Variants in ATCAY observed in about 807,000 individuals in gnomAD.
ATCAY encodes ATCAY kinesin light chain interacting caytaxin, also known as caytaxin.
A neutral mutation model predicts 47.7 loss-of-function variants in ATCAY; 22 were observed. The ratio of observed to expected loss-of-function variants is 0.46; its 90% CI spans 0.33 to 0.66. The LOEUF is 0.66. Ranked by LOEUF, ATCAY falls within the 30% of genes least tolerant of loss-of-function variation. The probability of loss-of-function intolerance (pLI) is 0.02; values close to 1 mark genes in which losing one functional copy is unlikely to be tolerated. For synonymous variants in ATCAY, 216 were observed against 207.6 expected (o/e 1.04, Z -0.35); for missense variants, 452 against 515.0 (o/e 0.88, Z 1.18).
At chr19:3,893,969 G>A (rs980882386) in intron 2 of ATCAY, among the ~76,000 whole-genome samples, 7 of 151,866 alleles carry the variant, frequency 4.6e-5, no homozygotes, top group South Asian at 2.1e-4. Context: ...TTCCAGTCCC[G>A]GAGCCTGGGC....
At chr19:3,911,812 G>A (rs547911921) in intron 8 of ATCAY, among the ~76,000 whole-genome samples, 11 of 152,198 alleles carry the variant, frequency 7.2e-5, no homozygotes, top group Admixed American at 2.6e-4. Flanking sequence ...CGAAAGAGAC[G>A]AGGGCTTCAC....
At chr19:3,888,977 CAG>C (rs1342433492) in intron 2 of ATCAY, among the ~76,000 whole-genome samples, 1 of 152,100 alleles carries the variant, frequency 6.6e-6, no homozygotes, top group African/African-American at 2.4e-5. Flanking sequence ...AGCCGAGAAT[CAG>C]AGAATCACGG....
At chr19:3,918,697 A>G in intron 10 of ATCAY, 109 bp from the exon 11 acceptor site, 1 of 1,148,892 alleles carries the variant, frequency 8.7e-7, no homozygotes, top group Non-Finnish European at 1.3e-6. Context: ...TGGTTTGGAA[A>G]ACAGGTCCCA....
intron 10 of ATCAY, among the ~76,000 whole-genome samples, chr19:3,918,357 CG>C (rs1168907062): frequency 1.3e-5 from 2 of 148,492 alleles, no homozygotes; most frequent in Non-Finnish European, 1.5e-5. Context: ...TGCACTCCAG[CG>C]TGGGTGACAG....
At chr19:3,899,784 A>G (rs1286277108) in intron 2 of ATCAY, among the ~76,000 whole-genome samples, 1 of 152,146 alleles carries the variant, frequency 6.6e-6, no homozygotes, top group East Asian at 1.9e-4. Flanking sequence ...AGCCCCGTGC[A>G]AAATGTTCTG....
chr19:3,924,233 G>GGATGGACGGA (rs1555770567), intron 12 of ATCAY, among the ~76,000 whole-genome samples: 1 of 140,684 alleles, frequency 7.1e-6, no homozygotes, highest in African/African-American at 2.7e-5. Context: ...GAGTGAGTGT[G>GGATGGACGGA]TGGATGGATG....
chr19:3,915,431 G>A (rs1042133000), intron 9 of ATCAY, among the ~76,000 whole-genome samples: 24 of 151,024 alleles, frequency 1.6e-4, no homozygotes, highest in Admixed American at 2.0e-4. Context: ...ATGATCTACC[G>A]GCCTCGGCCT....
At chr19:3,903,198 T>C (rs2038829891) in intron 3 of ATCAY, among the ~76,000 whole-genome samples, 2 of 152,058 alleles carry the variant, frequency 1.3e-5, no homozygotes, top group Admixed American at 1.3e-4. Context: ...GCTCTTGAAC[T>C]CCTGGGCTCA....
Position 3,924,604 on chromosome 19 carries a change from C to T in ATCAY, c.*12C>T. On this transcript the variant is annotated 3_prime_UTR_variant, in exon 13 of 13. Transcript: ENST00000450849. ...CTAGCATGTCCTGAGGCGACGTGAGCATAACAAAGGACATGGAAGAAGATT... is the reference window on the plus strand; with the variant it reads ...CTAGCATGTCCTGAGGCGACGTGAGTATAACAAAGGACATGGAAGAAGATT... 4.3e-6 allele frequency: 7 copies of T among 1,613,644 alleles called. No homozygotes were observed. The highest frequency in any genetic ancestry group is 5.9e-6 in the Non-Finnish European group (7 of 1,179,746).
chr19:3,910,920 G>A (rs372002065), intron 8 of ATCAY, 31 bp downstream of exon 8: 16 of 1,610,548 alleles, frequency 9.9e-6, no homozygotes, highest in East Asian at 4.5e-5. Context: ...CCCAAGTCCA[G>A]TGGCCTCAGT....
chr19:3,912,698 A>G (rs910528250), intron 8 of ATCAY, among the ~76,000 whole-genome samples: 1 of 151,112 alleles, frequency 6.6e-6, no homozygotes, highest in African/African-American at 2.4e-5. Context: ...TGGGCAACAT[A>G]GCAAGACCTC....
intron 9 of ATCAY, among the ~76,000 whole-genome samples, chr19:3,917,516 T>G (rs1383432390): frequency 1.7e-5 from 2 of 120,378 alleles, no homozygotes; most frequent in African/African-American, 3.3e-5. Context: ...ACCGGGGAGG[T>G]GGAGGTTGCA....
intron 9 of ATCAY, 115 bp from the exon 10 acceptor site, chr19:3,917,627 G>GAAAAAAA: frequency 5.8e-6 from 2 of 347,702 alleles, no homozygotes; most frequent in South Asian, 3.5e-5. Context: ...AGAAGAAGAA[G>GAAAAAAA]AAAAGAAAGA....
intron 3 of ATCAY, 101 bp downstream of exon 3, chr19:3,902,646 C>A: frequency 7.7e-7 from 1 of 1,295,212 alleles, no homozygotes; most frequent in Non-Finnish European, 1.1e-6. Context: ...GGCCACACAC[C>A]GTGGGTAGAA....
intron 9 of ATCAY, among the ~76,000 whole-genome samples, chr19:3,914,182 G>A (rs943655973): frequency 4.3e-5 from 6 of 139,968 alleles, no homozygotes; most frequent in African/African-American, 1.7e-4. Context: ...GTTGCAGTAA[G>A]CTGAGATCGC....
intron 2 of ATCAY, among the ~76,000 whole-genome samples, chr19:3,895,761 C>T (rs59000559): frequency 0.048 from 6,837 of 140,980 alleles, 579 homozygotes; most frequent in African/African-American, 0.17. Context: ...GTTGCTCAGG[C>T]GGGAGTGCAG....
At chr19:3,914,890 G>GGTCC (rs2038953851) in intron 9 of ATCAY, among the ~76,000 whole-genome samples, 1 of 151,782 alleles carries the variant, frequency 6.6e-6, no homozygotes, top group Non-Finnish European at 1.5e-5. Context: ...CCCCCCACCG[G>GGTCC]GTCCCCCTGG....
At chr19:3,918,975 G>T in intron 11 of ATCAY, 98 bp downstream of exon 11, 2 of 1,459,430 alleles carry the variant, frequency 1.4e-6, no homozygotes, top group South Asian at 2.3e-5. Flanking sequence ...CCTTGTTCAG[G>T]GACAGAAAAT....
chr19:3,905,530 C>G lies in ATCAY; in HGVS notation c.233C>G (p.Ser78Cys). The change falls in exon 4 of 13, where the codon TCC becomes TGC. Residue 78 changes from serine to cysteine, a missense_variant. Physicochemically the swap from Ser to Cys is moderately radical, Grantham distance 112. Transcript: ENST00000450849. ...ATTTCTCTGGATCAGAGTGAGGGGTCCCTGCTGTCCGATGACTTCTTGGAT... is the reference window on the plus strand; with the variant it reads ...ATTTCTCTGGATCAGAGTGAGGGGTGCCTGCTGTCCGATGACTTCTTGGAT... ...INISLDQSEG[S>C]LLSDDFLDTP... 3 of 1,613,950 alleles carry G rather than the reference C, an allele frequency of 1.9e-6. No homozygotes were observed. The highest frequency in any genetic ancestry group is 2.5e-6 in the Non-Finnish European group (3 of 1,179,882).
Sources: gnomAD v4.1 joint callset for allele counts (sites outside exome capture counted in the v4.1 genomes callset) on GRCh38, gnomAD v4.1.1 for gene constraint, MANE v1.5 for transcripts, NCBI Gene and HGNC (gene_info 2026-07-23, HGNC 2026-07-21) for gene names.